MEGF11: variants seen among roughly 807,000 people sequenced by gnomAD.
MEGF11 encodes the protein multiple EGF like domains 11, also known as multiple epidermal growth factor-like domains protein 11.
A neutral mutation model predicts 146.6 loss-of-function variants in MEGF11; 126 were observed. That is an observed-to-expected ratio of 0.86 (90% CI 0.74 to 1.00). The LOEUF is 1.00. Among genes scored for constraint, MEGF11 ranks in the 50% least tolerant of loss-of-function variants. The probability of loss-of-function intolerance (pLI) is 0.00; values close to 1 mark genes in which losing one functional copy is unlikely to be tolerated. For missense variants in MEGF11, 1,509 were observed against 1,521.2 expected (o/e 0.99, Z 0.13); for synonymous variants, 532 against 583.4 (o/e 0.91, Z 1.27).
chr15:66,170,013 CG>C (rs1486968748), intron 1 of MEGF11, among the ~76,000 whole-genome samples: 2 of 61,826 alleles, frequency 3.2e-5, no homozygotes, highest in East Asian at 1.3e-3. Flanking sequence ...GACCGTCTGC[CG>C]AAAAAAAAAA....
rs145930831 is a variant in MEGF11, at chr15:66,229,529, T to A, written c.-9+24076A>T. On this transcript the variant is annotated intron_variant, in intron 1 of 25. Coordinates refer to ENST00000395614, the MANE Select transcript of MEGF11 (RefSeq NM_001385028.1). ...CAAAGCAAAATTCAAGCCAAACTTA[T>A]CGGTAGCCAAGAGAGAGCTGTTTGT... Among the ~76,000 whole-genome samples the A allele has an allele frequency of 2.4e-3, 363 of 152,338 alleles. 5 individuals are homozygous for A. Among genetic ancestry groups the A allele is most frequent in the South Asian group, 0.017 (82 of 4,820 alleles).
chr15:66,092,407 G>T (rs1282108225), intron 5 of MEGF11, among the ~76,000 whole-genome samples: 1 of 152,174 alleles, frequency 6.6e-6, no homozygotes, highest in Admixed American at 6.5e-5. Context: ...CAAAAGTCAT[G>T]GCTCTTCAAC....
At chr15:66,217,994 G>A (rs2091629619) in intron 1 of MEGF11, among the ~76,000 whole-genome samples, 1 of 152,100 alleles carries the variant, frequency 6.6e-6, no homozygotes, top group Non-Finnish European at 1.5e-5. Flanking sequence ...GTGATCTCTC[G>A]GCAGCTCTTG....
intron 5 of MEGF11, among the ~76,000 whole-genome samples, chr15:66,034,191 C>T (rs910536396): frequency 3.3e-5 from 5 of 152,204 alleles, no homozygotes; most frequent in Admixed American, 6.5e-5. Context: ...AAGTAGATAA[C>T]TTGAATTCAC....
At chr15:66,075,974 T>C (rs930313797) in intron 5 of MEGF11, among the ~76,000 whole-genome samples, 1 of 151,328 alleles carries the variant, frequency 6.6e-6, no homozygotes, top group Non-Finnish European at 1.5e-5. Context: ...AAGGGAAGGA[T>C]CTTATTCATC....
chr15:66,020,960 C>G (rs2083093155), intron 5 of MEGF11, among the ~76,000 whole-genome samples: 1 of 113,836 alleles, frequency 8.8e-6, no homozygotes, highest in South Asian at 3.1e-4. Flanking sequence ...CCATTGCACT[C>G]CAGCCTGGGC....
intron 1 of MEGF11, among the ~76,000 whole-genome samples, chr15:66,175,983 T>A (rs2090379883): frequency 6.6e-6 from 1 of 151,914 alleles, no homozygotes; most frequent in African/African-American, 2.4e-5. Flanking sequence ...AAACACATAA[T>A]CCCATTAAAA....
chr15:65,936,984 C>T (rs2079811453), intron 10 of MEGF11, among the ~76,000 whole-genome samples: 1 of 152,210 alleles, frequency 6.6e-6, no homozygotes, highest in Non-Finnish European at 1.5e-5. Flanking sequence ...CCAACTCTGC[C>T]TACCAGAGAG....
chr15:66,049,662 A>T (rs917559385), intron 5 of MEGF11, among the ~76,000 whole-genome samples: 1 of 152,182 alleles, frequency 6.6e-6, no homozygotes, highest in Non-Finnish European at 1.5e-5. Context: ...ATTATTACAT[A>T]TGTGGTTTCC....
intron 4 of MEGF11, among the ~76,000 whole-genome samples, chr15:66,096,818 G>T (rs11071858): frequency 0.48 from 73,601 of 152,050 alleles, 19,420 homozygotes; most frequent in Non-Finnish European, 0.59. Flanking sequence ...CTCCAAGCTG[G>T]GGGGGAACAG....
At chr15:66,061,640 C>CTTT in intron 5 of MEGF11, among the ~76,000 whole-genome samples, 1 of 11,940 alleles carries the variant, frequency 8.4e-5, no homozygotes. Flanking sequence ...TTTTTTTGAG[C>CTTT]CTTTTTTTTT....
At chr15:66,040,852 G>A (rs1436900124) in intron 5 of MEGF11, among the ~76,000 whole-genome samples, 1 of 152,088 alleles carries the variant, frequency 6.6e-6, no homozygotes. Context: ...AGGGGAAAAT[G>A]GGGCTGAAAT....
chr15:66,192,641 G>C (rs1329783206), intron 1 of MEGF11, among the ~76,000 whole-genome samples: 1 of 152,162 alleles, frequency 6.6e-6, no homozygotes, highest in African/African-American at 2.4e-5. Context: ...CACAGAACTA[G>C]AAGGTAACAG....
In MEGF11 at chr15:65,922,436, T is replaced by C. The variant is rs369221377; in HGVS notation, c.1859A>G (p.Gln620Arg). The change falls in exon 15 of 26, where the codon CAG (glutamine) becomes CGG (arginine). Residue 620 changes from glutamine (Q) to arginine (R), a missense_variant. Transcript: ENST00000395614. ...PPGFYGHGCA[Q>R]PCPLCVHSSR... ...GCTGTGCACGCAGAGGGGGCATGGCTGGGCGCAGCCGTGGCCATAGAACCC... is the reference window on the plus strand; with the variant it reads ...GCTGTGCACGCAGAGGGGGCATGGCCGGGCGCAGCCGTGGCCATAGAACCC... 6.3e-7 allele frequency: 1 copy of C among 1,585,862 alleles called. No individual in the cohort carries two copies. Among genetic ancestry groups the C allele is most frequent in the African/African-American group, 1.3e-5 (1 of 74,396 alleles).
chr15:66,022,731 G>A, intron 5 of MEGF11, among the ~76,000 whole-genome samples: 1 of 151,846 alleles, frequency 6.6e-6, no homozygotes. Flanking sequence ...TCAGGAGGCT[G>A]AGGTGGGAGC....
At chr15:66,023,140 C>CAAAAAAAAAAAAAAAAAA (rs375962533) in intron 5 of MEGF11, among the ~76,000 whole-genome samples, 14 of 123,714 alleles carry the variant, frequency 1.1e-4, no homozygotes, top group African/African-American at 3.9e-4. Flanking sequence ...GACTCCATCT[C>CAAAAAAAAAAAAAAAAAA]AAAAAAAAAA....
chr15:66,100,304 T>G (rs1597082736), intron 4 of MEGF11, among the ~76,000 whole-genome samples: 1 of 152,288 alleles, frequency 6.6e-6, no homozygotes, highest in Non-Finnish European at 1.5e-5. Context: ...TCCCCCTACC[T>G]GCTCCTGACC....
chr15:66,127,998 G>T lies in MEGF11; in HGVS notation c.98+308C>A, dbSNP rs540216603. On this transcript the variant is annotated intron_variant, in intron 2 of 25. Transcript: ENST00000395614. ...CCCCCCACTTACTGCACCCCATCTG[G>T]CTGTGGACAGGGACTGAGCCCCTCT... Among the ~76,000 whole-genome samples the T allele has an allele frequency of 1.2e-4, 19 of 152,344 alleles. 1 individual carries two copies. Among genetic ancestry groups the T allele is most frequent in the Admixed American group, 1.2e-3 (18 of 15,300 alleles).
Position 65,982,464 on chromosome 15 carries a change from G to A in MEGF11, c.419C>T (p.Pro140Leu). 1 of 1,481,138 alleles carries A rather than the reference G, an allele frequency of 6.8e-7. No homozygotes were observed. Among genetic ancestry groups the A allele is most frequent in the Non-Finnish European group, 9.0e-7 (1 of 1,115,246 alleles). 91.7% of individuals were successfully genotyped at this position (1,481,138 alleles called of 1,614,324 possible). A position where few individuals can be genotyped will look rare whatever the true frequency, so the allele number is the denominator to read the frequency against. ...SSGCDSDHWGPHCSNRCQCQN... is the reference protein window; with the variant it reads ...SSGCDSDHWGLHCSNRCQCQN... ...GCACTGGCACCGGTTGCTGCAGTGGGGCCCCCAGTGGTCGCTGTCGCAGCC... is the reference window on the plus strand; with the variant it reads ...GCACTGGCACCGGTTGCTGCAGTGGAGCCCCCAGTGGTCGCTGTCGCAGCC... The change falls in exon 6 of 26, where the codon CCC (proline) becomes CTC (leucine). Residue 140 changes from proline to leucine, a missense_variant. Transcript: ENST00000395614. This position sits in a 1 kb window ranked among gnomAD's most constrained non-coding sequence, Gnocchi z 5.6.
Sources: gnomAD v4.1 joint callset for allele counts (sites outside exome capture counted in the v4.1 genomes callset) on GRCh38, gnomAD v4.1.1 for gene constraint, Gnocchi (gnomAD v3.1) non-coding constraint, MANE v1.5 for transcripts, NCBI Gene and HGNC (gene_info 2026-07-23, HGNC 2026-07-21) for gene names.